Variants in TMTC2 observed in about 807,000 individuals in gnomAD.
TMTC2 encodes transmembrane O-mannosyltransferase targeting cadherins 2.
A neutral mutation model predicts 82.4 loss-of-function variants in TMTC2; 43 were observed. That is an observed-to-expected ratio of 0.52 (90% CI 0.41 to 0.67). The LOEUF is 0.67. Among genes scored for constraint, TMTC2 ranks in the 30% least tolerant of loss-of-function variants. The pLI is 0.00. For synonymous variants in TMTC2, 408 were observed against 381.9 expected (o/e 1.07, Z -0.80); for missense variants, 919 against 1,012.4 (o/e 0.91, Z 1.25).
chr12:82,834,342 C>T (rs1301269438), intron 1 of TMTC2, among the ~76,000 whole-genome samples: 1 of 152,092 alleles, frequency 6.6e-6, no homozygotes, highest in East Asian at 1.9e-4. Context: ...AGTTAAGTGC[C>T]CTTGAAATTT....
intron 1 of TMTC2, among the ~76,000 whole-genome samples, chr12:82,792,084 G>A (rs1157135371): frequency 6.6e-6 from 1 of 152,168 alleles, no homozygotes; most frequent in Non-Finnish European, 1.5e-5. Context: ...AAGGTAGAGG[G>A]GAAAGAGTGT....
At chr12:82,780,237 G>A (rs1877827327) in intron 1 of TMTC2, among the ~76,000 whole-genome samples, 1 of 152,118 alleles carries the variant, frequency 6.6e-6, no homozygotes, top group Admixed American at 6.5e-5. Context: ...TACAGTGAAT[G>A]AAAATACCTG....
chr12:82,747,014 G>A (rs1188791378), intron 1 of TMTC2, among the ~76,000 whole-genome samples: 1 of 152,164 alleles, frequency 6.6e-6, no homozygotes, highest in Non-Finnish European at 1.5e-5. Context: ...GCCCAGTCTG[G>A]CCATTACCTT....
At chr12:82,925,095 G>T (rs1447997721) in intron 3 of TMTC2, among the ~76,000 whole-genome samples, 2 of 152,128 alleles carry the variant, frequency 1.3e-5, no homozygotes, top group Admixed American at 1.3e-4. Flanking sequence ...TGCCAGGCTT[G>T]CTCCTTATCC....
At chr12:82,922,588 C>T (rs1875459850) in intron 3 of TMTC2, among the ~76,000 whole-genome samples, 1 of 151,654 alleles carries the variant, frequency 6.6e-6, no homozygotes. Flanking sequence ...TGTATTAATC[C>T]CCTTTTATCT....
At chr12:83,043,301 T>C (rs748714722) in intron 9 of TMTC2, among the ~76,000 whole-genome samples, 2 of 152,218 alleles carry the variant, frequency 1.3e-5, no homozygotes, top group Non-Finnish European at 2.9e-5. Flanking sequence ...TGCTGTGTTA[T>C]CATCAACCCT....
intron 8 of TMTC2, among the ~76,000 whole-genome samples, chr12:82,988,205 A>C (rs556226910): frequency 6.6e-6 from 1 of 152,188 alleles, no homozygotes; most frequent in Non-Finnish European, 1.5e-5. Flanking sequence ...TGGATAAGAG[A>C]TACAGCTGAT....
At chr12:82,748,987 G>T (rs1330866120) in intron 1 of TMTC2, among the ~76,000 whole-genome samples, 1 of 152,214 alleles carries the variant, frequency 6.6e-6, no homozygotes, top group Non-Finnish European at 1.5e-5. Flanking sequence ...CATAGTTTGT[G>T]CTACGCATTG....
At chr12:82,965,436 A>C (rs989901355) in intron 5 of TMTC2, 124 bp from the exon 6 acceptor site, 1 of 959,296 alleles carries the variant, frequency 1.0e-6, no homozygotes, top group Non-Finnish European at 1.5e-6. Flanking sequence ...TATTTGTGTC[A>C]TAAGTATTTT....
chr12:82,944,493 C>T (rs557665208), intron 4 of TMTC2, among the ~76,000 whole-genome samples: 1 of 147,046 alleles, frequency 6.8e-6, no homozygotes, highest in Admixed American at 7.0e-5. Context: ...AGGAGAAAGG[C>T]GTGAACCCGG....
chr12:82,929,487 G>A (rs1875907272), intron 3 of TMTC2, among the ~76,000 whole-genome samples: 1 of 152,132 alleles, frequency 6.6e-6, no homozygotes, highest in Admixed American at 6.5e-5. Flanking sequence ...AGGCACACAG[G>A]CAAATCTGAG....
chr12:82,688,577 C>T (rs1281835806), intron 1 of TMTC2, among the ~76,000 whole-genome samples: 1 of 152,152 alleles, frequency 6.6e-6, no homozygotes, highest in Non-Finnish European at 1.5e-5. Context: ...TGTGTCCTTC[C>T]GGTGTCTTAA....
intron 3 of TMTC2, among the ~76,000 whole-genome samples, chr12:82,928,477 T>C (rs970328677): frequency 6.6e-6 from 1 of 152,222 alleles, no homozygotes; most frequent in Non-Finnish European, 1.5e-5. Flanking sequence ...ACTGGTAGTT[T>C]TAGTAGTTTA....
At chr12:82,888,542 C>T (rs543906850) in intron 2 of TMTC2, among the ~76,000 whole-genome samples, 59 of 152,304 alleles carry the variant, frequency 3.9e-4, no homozygotes, top group Non-Finnish European at 7.1e-4. Flanking sequence ...CCTACCTCAG[C>T]CTCCTGAGTA....
chr12:82,844,633 C>G (rs942516161), intron 1 of TMTC2, among the ~76,000 whole-genome samples: 15 of 151,878 alleles, frequency 9.9e-5, no homozygotes, highest in Admixed American at 9.8e-4. Flanking sequence ...AACCCCGTCT[C>G]TACTAAAAAA....
At chr12:82,777,337 G>T (rs1877652548) in intron 1 of TMTC2, among the ~76,000 whole-genome samples, 1 of 152,110 alleles carries the variant, frequency 6.6e-6, no homozygotes, top group Non-Finnish European at 1.5e-5. Flanking sequence ...TGGTTATTAA[G>T]ATAGGTTAAA....
intron 1 of TMTC2, among the ~76,000 whole-genome samples, chr12:82,690,145 A>C (rs1872517011): frequency 2.0e-5 from 3 of 152,324 alleles, no homozygotes; most frequent in South Asian, 2.1e-4. Context: ...TTTTCTATCT[A>C]ACTACTGTAA....
At chr12:82,771,919 C>T (rs550619131) in intron 1 of TMTC2, among the ~76,000 whole-genome samples, 1 of 152,224 alleles carries the variant, frequency 6.6e-6, no homozygotes, top group Admixed American at 6.5e-5. Flanking sequence ...TCTGTCTATA[C>T]CATGCCATAT....
chr12:82,868,671 G>T (rs1299464067), intron 2 of TMTC2, among the ~76,000 whole-genome samples: 1 of 149,462 alleles, frequency 6.7e-6, no homozygotes, highest in Admixed American at 6.7e-5. Context: ...TTCAGTAACT[G>T]CAATAGCTTG....
Sources: gnomAD v4.1 joint callset for allele counts (sites outside exome capture counted in the v4.1 genomes callset) on GRCh38, gnomAD v4.1.1 for gene constraint, MANE v1.5 for transcripts, NCBI Gene and HGNC (gene_info 2026-07-23, HGNC 2026-07-21) for gene names.